RXFP2: variants seen among roughly 807,000 people sequenced by gnomAD.
RXFP2 encodes the protein relaxin family peptide receptor 2.
A neutral mutation model predicts 88.6 loss-of-function variants in RXFP2; 68 were observed. That is an observed-to-expected ratio of 0.77 (90% confidence interval 0.63 to 0.94). The LOEUF (loss-of-function observed/expected upper bound fraction) is 0.94. Among genes scored for constraint, RXFP2 ranks in the 40% least tolerant of loss-of-function variants. The pLI is 0.00. For synonymous variants in RXFP2, 329 were observed against 306.8 expected, an observed-to-expected ratio of 1.07 and a Z score of -0.76; for missense variants, 791 against 893.9, an observed-to-expected ratio of 0.88 and a Z score of 1.47.
chr13:31,792,693 T>G lies in RXFP2; in HGVS notation c.1391T>G (p.Met464Arg). 1 of 1,614,116 alleles carries G rather than the reference T, an allele frequency of 6.2e-7. No homozygotes were observed. Among genetic ancestry groups the G allele is most frequent in the Non-Finnish European group, 8.5e-7 (1 of 1,179,976 alleles). The change falls in exon 16 of 18, where the codon ATG becomes AGG. Residue 464 changes from methionine (M) to arginine (R), a missense_variant. Met to Arg is a moderately conservative substitution (Grantham distance 91). Coordinates refer to ENST00000298386, the MANE Select transcript of RXFP2 (RefSeq NM_130806.5). ...IKILCCADCL[M>R]GVYLFFVGIF... ...TCTTCCACAGGTGCTGATTGCCTGATGGGTGTTTACTTGTTCTTTGTTGGC... is the reference window on the plus strand; with the variant it reads ...TCTTCCACAGGTGCTGATTGCCTGAGGGGTGTTTACTTGTTCTTTGTTGGC...
Position 31,797,363 on chromosome 13 carries a change from G to T in RXFP2, c.1949G>T (p.Cys650Phe). The T allele has an allele frequency of 6.2e-7, 1 of 1,614,156 alleles. No homozygotes were observed. The highest frequency in any genetic ancestry group is 1.1e-5 in the South Asian group (1 of 91,084). The change falls in exon 17 of 18, where the codon TGC becomes TTC. Residue 650 changes from cysteine to phenylalanine, a missense_variant. Cys to Phe is a radical substitution (Grantham distance 205, BLOSUM62 -2). Transcript: ENST00000298386. ...TTTATAGTGTTCTCTGATGCCATCT[G>T]CTGGATTCCTGTATTTGTAGTTAAA... is the stretch of plus-strand genomic sequence containing the variant. ...FFFIVFSDAI[C>F]WIPVFVVKIL...
intron 11 of RXFP2, among the ~76,000 whole-genome samples, chr13:31,785,206 G>T (rs544791076): frequency 6.6e-6 from 1 of 152,152 alleles, no homozygotes; most frequent in African/African-American, 2.4e-5. Context: ...CATCCTTGGG[G>T]ACTTGGATGC....
intron 7 of RXFP2, among the ~76,000 whole-genome samples, chr13:31,775,670 C>T (rs1872915503): frequency 1.3e-5 from 2 of 152,150 alleles, no homozygotes; most frequent in African/African-American, 4.8e-5. Flanking sequence ...AAAATGTTTC[C>T]AGACATTGCT....
chr13:31,779,162 G>A (rs1328140223), intron 9 of RXFP2, among the ~76,000 whole-genome samples: 2 of 139,830 alleles, frequency 1.4e-5, no homozygotes, highest in African/African-American at 5.4e-5. Context: ...GTCTCACTCT[G>A]TTACCTTGGC....
chr13:31,756,500 C>A (rs773138807), intron 1 of RXFP2, among the ~76,000 whole-genome samples: 9 of 152,240 alleles, frequency 5.9e-5, no homozygotes, highest in Non-Finnish European at 1.3e-4. Flanking sequence ...TGCTAGCCTT[C>A]AGCCAAAGTG....
intron 1 of RXFP2, among the ~76,000 whole-genome samples, chr13:31,747,316 T>C (rs1871466353): frequency 6.6e-6 from 1 of 152,128 alleles, no homozygotes; most frequent in South Asian, 2.1e-4. Flanking sequence ...TCCTCTTCCC[T>C]AGAAAATGGC....
intron 3 of RXFP2, among the ~76,000 whole-genome samples, chr13:31,762,575 T>C (rs888997720): frequency 6.6e-6 from 1 of 152,290 alleles, no homozygotes; most frequent in Middle Eastern, 3.4e-3. Flanking sequence ...TGTGTGTATA[T>C]GTAGAGACAT....
chr13:31,750,589 G>A (rs1871623589), intron 1 of RXFP2, among the ~76,000 whole-genome samples: 1 of 152,142 alleles, frequency 6.6e-6, no homozygotes, highest in Admixed American at 6.5e-5. Context: ...CAAAGAAAAT[G>A]GAGCTGATGA....
chr13:31,777,356 T>C lies in RXFP2; in HGVS notation c.642-20T>C. The C allele has an allele frequency of 6.4e-7, 1 of 1,568,302 alleles. No homozygotes were observed. The highest frequency in any genetic ancestry group is 8.8e-7 in the Non-Finnish European group (1 of 1,139,712). On this transcript the variant is annotated intron_variant, in intron 7 of 17. Coordinates refer to ENST00000298386, the MANE Select transcript of RXFP2 (RefSeq NM_130806.5). Reference sequence around the variant, plus strand: ...CAAATGTCTCTAATATTGGAAATGTTTCTTGATACATTTTGTCAGAATTCT... The same window carrying C: ...CAAATGTCTCTAATATTGGAAATGTCTCTTGATACATTTTGTCAGAATTCT...
At chr13:31,774,524 A>G in intron 5 of RXFP2, 96 bp from the exon 6 acceptor site, 1 of 772,770 alleles carries the variant, frequency 1.3e-6, no homozygotes, top group South Asian at 1.4e-5. Flanking sequence ...TCAATTTCAC[A>G]ATTGTCTTCA....
chr13:31,796,208 C>G (rs1298961289), intron 16 of RXFP2, among the ~76,000 whole-genome samples: 1 of 149,530 alleles, frequency 6.7e-6, no homozygotes, highest in East Asian at 1.9e-4. Flanking sequence ...CGCCACCGCG[C>G]CCGGCTAATT....
At chr13:31,744,764 G>A (rs780190409) in intron 1 of RXFP2, among the ~76,000 whole-genome samples, 1 of 150,536 alleles carries the variant, frequency 6.6e-6, no homozygotes, top group East Asian at 1.9e-4. Context: ...CATTCCAACT[G>A]CGTTTAAAGC....
intron 11 of RXFP2, among the ~76,000 whole-genome samples, chr13:31,785,319 G>C (rs1322572): frequency 0.94 from 142,606 of 152,134 alleles, 67,279 homozygotes; most frequent in Non-Finnish European, 0.99. Context: ...CCTACATCTT[G>C]CATCCTCCAC....
intron 11 of RXFP2, among the ~76,000 whole-genome samples, chr13:31,784,390 A>G (rs1392433191): frequency 2.0e-5 from 3 of 152,174 alleles, no homozygotes; most frequent in Non-Finnish European, 4.4e-5. Flanking sequence ...AATGTTAAGT[A>G]GTTTTACTGT....
At chr13:31,771,864 C>T (rs745876471) in intron 5 of RXFP2, among the ~76,000 whole-genome samples, 2 of 151,244 alleles carry the variant, frequency 1.3e-5, no homozygotes, top group South Asian at 2.1e-4. Flanking sequence ...TGTTGTCCTG[C>T]GAGATCACCA....
In RXFP2 at chr13:31,771,453, T is replaced by C. The variant is rs906453490; in HGVS notation, c.498-3167T>C. On this transcript the variant is annotated intron_variant, in intron 5 of 17. Coordinates refer to ENST00000298386, the MANE Select transcript of RXFP2 (RefSeq NM_130806.5). ...CTCTTTAAGAGAATCTAAGGATAAA[T>C]GTAATGCACTTGAATCATCCTGAAA... Among the ~76,000 whole-genome samples, 7 of 152,236 alleles carry C rather than the reference T, an allele frequency of 4.6e-5. No individual in the cohort carries two copies. The South Asian group carries it at 1.5e-3, about 32-fold the overall frequency.
At chr13:31,761,652 C>G (rs1287479679) in intron 2 of RXFP2, 72 bp from the exon 3 acceptor site, 1 of 993,598 alleles carries the variant, frequency 1.0e-6, no homozygotes, top group Non-Finnish European at 1.6e-6. Flanking sequence ...AAATCATTAC[C>G]AAATTGTTAA....
Position 31,758,391 on chromosome 13 carries a change from C to A in RXFP2, c.228C>A (p.Asp76Glu). ...AGGATGACTGTGGGAACGGGGCGGACGAAGAGAACTGTGGTGAGTGCTCCC... is the reference window on the plus strand; with the variant it reads ...AGGATGACTGTGGGAACGGGGCGGAAGAAGAGAACTGTGGTGAGTGCTCCC... ...DGKDDCGNGADEENCGDTSGW... is the reference protein window; with the variant it reads ...DGKDDCGNGAEEENCGDTSGW... The change falls in exon 2 of 18, where the codon GAC (aspartate) becomes GAA (glutamate). Residue 76 changes from aspartate to glutamate, a missense_variant. Asp to Glu is a conservative substitution (Grantham distance 45). Transcript: ENST00000298386. 1 of 1,614,050 alleles carries A rather than the reference C, an allele frequency of 6.2e-7. No homozygotes were observed. Among genetic ancestry groups the A allele is most frequent in the Non-Finnish European group, 8.5e-7 (1 of 1,179,976 alleles).
chr13:31,802,905 A>C lies in RXFP2; in HGVS notation c.*500A>C, dbSNP rs1341216595. The C allele has an allele frequency of 6.1e-6, 1 of 164,306 alleles. No individual in the cohort carries two copies. The highest frequency in any genetic ancestry group is 1.3e-5 in the Non-Finnish European group (1 of 74,840). 10.2% of individuals were successfully genotyped at this position (164,306 alleles called of 1,614,324 possible). On this transcript the variant is annotated 3_prime_UTR_variant, in exon 18 of 18. Transcript: ENST00000298386. ...ATTTCCAAAATATTCATCTACCCGA[A>C]GTCCTCCTCTGTGAAGGCCGGTGGA...
Sources: allele counts gnomAD v4.1 joint callset (sites outside exome capture counted in the v4.1 genomes callset), GRCh38; gene constraint gnomAD v4.1.1; transcripts MANE v1.5; gene names NCBI Gene and HGNC (gene_info 2026-07-23, HGNC 2026-07-21).